BIRC6: variants seen among roughly 807,000 people sequenced by gnomAD.
BIRC6 encodes the protein baculoviral IAP repeat containing 6.
Under a neutral mutation model 503.3 loss-of-function variants are expected in BIRC6, and 98 were observed. That is an observed-to-expected ratio of 0.19 (90% CI 0.17 to 0.23). The LOEUF (loss-of-function observed/expected upper bound fraction) is 0.23, where lower values mean the gene tolerates loss of function less well. Among genes scored for constraint, BIRC6 ranks in the 10% least tolerant of loss-of-function variants. BIRC6 has a pLI of 1.00. For missense variants in BIRC6, 5,360 were observed against 5,806.0 expected (o/e 0.92, Z 2.50); for synonymous variants, 2,240 against 2,078.7 (o/e 1.08, Z -2.11).
intron 73 of BIRC6, among the ~76,000 whole-genome samples, chr2:32,615,760 A>G (rs1417070185): frequency 6.6e-6 from 1 of 151,974 alleles, no homozygotes; most frequent in Admixed American, 6.6e-5. Context: ...TCAGCCTCCC[A>G]AGTACCTGGG....
At chr2:32,365,521 A>G (rs2034778301) in intron 1 of BIRC6, among the ~76,000 whole-genome samples, 1 of 152,082 alleles carries the variant, frequency 6.6e-6, no homozygotes, top group African/African-American at 2.4e-5. Flanking sequence ...GGGTTTCACA[A>G]TGTTGGCCAG....
chr2:32,479,662 A>G, intron 37 of BIRC6, 45 bp downstream of exon 37: 1 of 1,414,412 alleles, frequency 7.1e-7, no homozygotes, highest in Non-Finnish European at 9.6e-7. Context: ...TTAAATGGAA[A>G]CATGTTTCAA....
intron 3 of BIRC6, among the ~76,000 whole-genome samples, chr2:32,380,840 T>C (rs1441926617): frequency 6.6e-6 from 1 of 152,208 alleles, no homozygotes; most frequent in Non-Finnish European, 1.5e-5. Flanking sequence ...AAATCTTTCT[T>C]AGTGCCTGAT....
At chr2:32,459,848 TCATTC>T (rs2047639915) in intron 23 of BIRC6, among the ~76,000 whole-genome samples, 1 of 151,822 alleles carries the variant, frequency 6.6e-6, no homozygotes, top group Admixed American at 6.6e-5. Context: ...TTCCTCTTAA[TCATTC>T]CATTCATTTG....
intron 8 of BIRC6, 149 bp downstream of exon 8, chr2:32,401,772 C>A: frequency 1.5e-6 from 1 of 679,270 alleles, no homozygotes; most frequent in Non-Finnish European, 2.3e-6. Flanking sequence ...AATCTGAAAT[C>A]TGTGATTCTT....
At chr2:32,521,365 CAA>C (rs35410265) in intron 57 of BIRC6, among the ~76,000 whole-genome samples, 19 of 21,514 alleles carry the variant, frequency 8.8e-4, no homozygotes, top group African/African-American at 1.9e-3. Flanking sequence ...GACCTCATCT[CAA>C]AAAAAAAAAA....
rs36065012 is a variant in BIRC6, at chr2:32,433,719, C to A, written c.3324C>A (p.Phe1108Leu). 1 of 1,604,592 alleles carries A rather than the reference C, an allele frequency of 6.2e-7. No individual in the cohort carries two copies. The highest frequency in any genetic ancestry group is 2.2e-5 in the East Asian group (1 of 44,760). The change falls in exon 13 of 74, where the codon TTC (phenylalanine) becomes TTA (leucine). Residue 1108 changes from phenylalanine to leucine, a missense_variant. Phe to Leu is a conservative substitution (Grantham distance 22). Coordinates refer to ENST00000421745, the MANE Select transcript of BIRC6 (RefSeq NM_016252.4). Reference sequence around the variant, plus strand: ...TGGTTGGACATGTGGACTTCAAATTCGTTTTGAACTCAAACATCACCAATA... The same window carrying A: ...TGGTTGGACATGTGGACTTCAAATTAGTTTTGAACTCAAACATCACCAATA... The part of the protein sequence containing the change: ...ACMVGHVDFK[F>L]VLNSNITNIP...
chr2:32,560,020 AAAT>A (rs1372583342), intron 65 of BIRC6, among the ~76,000 whole-genome samples: 1 of 152,184 alleles, frequency 6.6e-6, no homozygotes, highest in Non-Finnish European at 1.5e-5. Context: ...CATCTCAAAA[AAAT>A]AATGACAACA....
At chr2:32,523,790 A>C (rs116388264) in intron 57 of BIRC6, among the ~76,000 whole-genome samples, 2,517 of 152,352 alleles carry the variant, frequency 0.017, 51 homozygotes, top group African/African-American at 0.058. Context: ...GCAGTGGCTC[A>C]TGCCTGGAAT....
chr2:32,488,563 C>T (rs1430344784), intron 41 of BIRC6, 25 bp from the exon 42 acceptor site: 3 of 1,499,766 alleles, frequency 2.0e-6, no homozygotes, highest in Non-Finnish European at 1.8e-6. Context: ...ACATTTTTCT[C>T]CTGTTGATTT....
chr2:32,432,262 A>G (rs751068696), intron 12 of BIRC6, among the ~76,000 whole-genome samples: 5 of 152,166 alleles, frequency 3.3e-5, no homozygotes, highest in African/African-American at 4.8e-5. Context: ...CTAAAAATAC[A>G]AAAAGTAGCT....
intron 72 of BIRC6, 74 bp downstream of exon 72, chr2:32,607,717 C>G (rs893145029): frequency 7.7e-7 from 1 of 1,300,410 alleles, no homozygotes. Flanking sequence ...GTGGCTCATG[C>G]CTGTAATCTC....
At chr2:32,469,031 G>A (rs979028507) in intron 29 of BIRC6, among the ~76,000 whole-genome samples, 1 of 152,192 alleles carries the variant, frequency 6.6e-6, no homozygotes, top group African/African-American at 2.4e-5. Context: ...TACTGGCAAA[G>A]TATTAAGTAT....
chr2:32,441,573 C>A, intron 17 of BIRC6, 111 bp downstream of exon 17: 2 of 967,138 alleles, frequency 2.1e-6, no homozygotes, highest in South Asian at 2.3e-5. Flanking sequence ...TTTTTTTTGT[C>A]CATTTTTCTT....
At chr2:32,617,011 G>A (rs1393373436) in intron 73 of BIRC6, among the ~76,000 whole-genome samples, 1 of 152,170 alleles carries the variant, frequency 6.6e-6, no homozygotes, top group Non-Finnish European at 1.5e-5. Flanking sequence ...TGGGAGGATT[G>A]CTTAAGCCCA....
At chr2:32,444,441 A>G (rs1297203024) in intron 20 of BIRC6, among the ~76,000 whole-genome samples, 2 of 152,240 alleles carry the variant, frequency 1.3e-5, no homozygotes, top group Non-Finnish European at 2.9e-5. Flanking sequence ...GCAGTTCTCT[A>G]AAATAGCACA....
At chr2:32,489,189 G>T (rs78349743) in intron 42 of BIRC6, among the ~76,000 whole-genome samples, 2 of 151,856 alleles carry the variant, frequency 1.3e-5, no homozygotes, top group Non-Finnish European at 2.9e-5. Context: ...AAGAATTAGC[G>T]TTCAGCTCTA....
At chr2:32,599,044 AAAG>A (rs1471805990) in intron 69 of BIRC6, among the ~76,000 whole-genome samples, 9 of 148,438 alleles carry the variant, frequency 6.1e-5, no homozygotes, top group African/African-American at 7.5e-5. Context: ...AAAAAAAAAA[AAAG>A]GCCTGGTATG....
chr2:32,402,772 A>T (rs1483380426), intron 8 of BIRC6, among the ~76,000 whole-genome samples: 1 of 152,196 alleles, frequency 6.6e-6, no homozygotes, highest in East Asian at 1.9e-4. Context: ...TTAGTGGAAA[A>T]GTAATAGAAG....
Sources: gnomAD v4.1 joint callset for allele counts (sites outside exome capture counted in the v4.1 genomes callset) on GRCh38, gnomAD v4.1.1 for gene constraint, MANE v1.5 for transcripts, NCBI Gene and HGNC (gene_info 2026-07-23, HGNC 2026-07-21) for gene names.